The following SLC15A1 variants were observed in gnomAD, a reference collection of about 807,000 sequenced individuals.
SLC15A1 encodes Caco-2 oligopeptide transporter.
In SLC15A1, 83 loss-of-function variants were observed where a neutral mutation model predicts 92.9. The ratio of observed to expected loss-of-function variants is 0.89; its 90% CI spans 0.75 to 1.07. The LOEUF is 1.07. SLC15A1 is among the 50% of genes least tolerant of loss of function. The pLI is 0.00. For missense variants in SLC15A1, 857 were observed against 880.1 expected, an observed-to-expected ratio of 0.97 and a Z score of 0.33; for synonymous variants, 322 against 318.2, an observed-to-expected ratio of 1.01 and a Z score of -0.13.
chr13:98,732,993 C>G (rs1333939334), intron 1 of SLC15A1, among the ~76,000 whole-genome samples: 1 of 152,012 alleles, frequency 6.6e-6, no homozygotes, highest in Non-Finnish European at 1.5e-5. Flanking sequence ...TTAGATTATC[C>G]AGACAGACCC....
At chr13:98,734,992 C>T (rs2088380141) in intron 1 of SLC15A1, among the ~76,000 whole-genome samples, 1 of 152,218 alleles carries the variant, frequency 6.6e-6, no homozygotes, top group Admixed American at 6.5e-5. Flanking sequence ...ATGAGGCCAG[C>T]ATCATCCTGA....
rs73564079 is a variant in SLC15A1, at chr13:98,690,740, C to A, written c.1467-2163G>T. Reference sequence around the variant, plus strand: ...CTAGACGGTGCCACCCACCACACACCCAGGCTGCATGGGTGTGGCCTTTGG... The same window carrying A: ...CTAGACGGTGCCACCCACCACACACACAGGCTGCATGGGTGTGGCCTTTGG... On this transcript the variant is annotated intron_variant, in intron 18 of 22. Coordinates refer to ENST00000376503, the MANE Select transcript of SLC15A1 (RefSeq NM_005073.4). Among the ~76,000 whole-genome samples the A allele has an allele frequency of 3.4e-3, 524 of 152,282 alleles. 8 individuals carry two copies. Among genetic ancestry groups the A allele is most frequent in the African/African-American group, 0.012 (481 of 41,562 alleles).
chr13:98,741,945 C>T (rs2088451656), intron 1 of SLC15A1, among the ~76,000 whole-genome samples: 2 of 152,158 alleles, frequency 1.3e-5, no homozygotes, highest in South Asian at 4.1e-4. Flanking sequence ...ACTTAGAAAC[C>T]ATGTGGGGAA....
chr13:98,730,802 T>C (rs1446925754), intron 1 of SLC15A1, among the ~76,000 whole-genome samples: 1 of 152,222 alleles, frequency 6.6e-6, no homozygotes, highest in Non-Finnish European at 1.5e-5. Context: ...GATCCAGCTC[T>C]GCATGGTGGG....
rs201817346 is a variant in SLC15A1 at position 98,709,563 on chromosome 13, G to T, written c.1067+9C>A. ...GAGCCTCAACCAACCCAACCCACCCGTCACCTACGTGAAATTGAAGCCACA... is the reference window on the plus strand; with the variant it reads ...GAGCCTCAACCAACCCAACCCACCCTTCACCTACGTGAAATTGAAGCCACA... On this transcript the variant is annotated intron_variant, in intron 14 of 22. Transcript: ENST00000376503. 1 of 1,613,348 alleles carries T rather than the reference G, an allele frequency of 6.2e-7. No individual in the cohort carries two copies. The highest frequency in any genetic ancestry group is 1.1e-5 in the South Asian group (1 of 90,964).
At chr13:98,741,916 C>A (rs1205715444) in intron 1 of SLC15A1, among the ~76,000 whole-genome samples, 2 of 152,184 alleles carry the variant, frequency 1.3e-5, no homozygotes, top group Admixed American at 6.5e-5. Context: ...TCTCACTAAC[C>A]CCTAACGGCA....
chr13:98,740,962 T>C (rs779304573), intron 1 of SLC15A1, among the ~76,000 whole-genome samples: 3 of 152,256 alleles, frequency 2.0e-5, no homozygotes, highest in Non-Finnish European at 4.4e-5. Context: ...AAAGCCCTTG[T>C]TTCTGGAGTG....
intron 1 of SLC15A1, among the ~76,000 whole-genome samples, chr13:98,730,670 G>C (rs1173709670): frequency 2.7e-4 from 41 of 152,270 alleles, no homozygotes; most frequent in Non-Finnish European, 7.3e-5. Flanking sequence ...ATCGTTACGG[G>C]GGAGACGCGA....
chr13:98,705,895 A>G (rs1338929210), intron 16 of SLC15A1, among the ~76,000 whole-genome samples: 71 of 17,760 alleles, frequency 4.0e-3, no homozygotes, highest in Non-Finnish European at 5.5e-3. Flanking sequence ...ACTCCATCTA[A>G]AAAAAAAAAA....
chr13:98,721,996 G>T, intron 5 of SLC15A1, 93 bp from the exon 6 acceptor site: 2 of 969,192 alleles, frequency 2.1e-6, no homozygotes, highest in Non-Finnish European at 1.6e-6. Context: ...GCCTGGCATA[G>T]TGACACACAT....
intron 19 of SLC15A1, 33 bp downstream of exon 19, chr13:98,688,436 AC>A: frequency 3.7e-6 from 6 of 1,607,072 alleles, no homozygotes; most frequent in Non-Finnish European, 4.3e-6. Context: ...AAATTCTTGA[AC>A]CTTTGAGTGA....
intron 5 of SLC15A1, among the ~76,000 whole-genome samples, chr13:98,722,690 C>T (rs2088270028): frequency 6.6e-6 from 1 of 152,304 alleles, no homozygotes. Context: ...AATCATGCTT[C>T]CTGAACCAAT....
chr13:98,715,971 C>T lies in SLC15A1; in HGVS notation c.641-11G>A. On this transcript the variant is annotated splice_polypyrimidine_tract_variant and intron_variant, in intron 8 of 22. Coordinates refer to ENST00000376503, the MANE Select transcript of SLC15A1 (RefSeq NM_005073.4). Reference sequence around the variant, plus strand: ...CAAGGACAAACACAACTAGATAGGGCAGAAGAAGACATGTCAGCAAAGCAT... The same window carrying T: ...CAAGGACAAACACAACTAGATAGGGTAGAAGAAGACATGTCAGCAAAGCAT... The T allele has an allele frequency of 1.2e-6, 2 of 1,612,308 alleles. No individual in the cohort carries two copies. The highest frequency in any genetic ancestry group is 1.7e-6 in the Non-Finnish European group (2 of 1,178,440).
Position 98,751,441 on chromosome 13 carries a change from A to G in SLC15A1, c.4+1154T>C, listed in dbSNP as rs533596743. 8.2e-4 allele frequency among the ~76,000 whole-genome samples: 125 copies of G among 152,316 alleles called. 1 individual carries two copies. Among genetic ancestry groups the G allele is most frequent in the African/African-American group, 2.8e-3 (117 of 41,568 alleles). On this transcript the variant is annotated intron_variant, in intron 1 of 22. Transcript: ENST00000376503. ...AGGTATTTGGTATTTGATGATCAAC[A>G]GAAATAGTTCAGAGCACCTCCCAGC... is the stretch of plus-strand genomic sequence containing the variant.
chr13:98,742,277 C>G (rs2088454619), intron 1 of SLC15A1, among the ~76,000 whole-genome samples: 1 of 152,260 alleles, frequency 6.6e-6, no homozygotes, highest in Non-Finnish European at 1.5e-5. Flanking sequence ...AATGAGCCAC[C>G]TCCTACCTGT....
chr13:98,685,390 CGGAT>C (rs909236388), intron 22 of SLC15A1, among the ~76,000 whole-genome samples: 2 of 152,158 alleles, frequency 1.3e-5, no homozygotes, highest in Admixed American at 6.5e-5. Context: ...AGTCATGAAA[CGGAT>C]GGGATAACAG....
rs1046793861 is a variant in SLC15A1, at chr13:98,704,434, G to C, written c.1271C>G (p.Thr424Arg). 1 of 1,611,816 alleles carries C rather than the reference G, an allele frequency of 6.2e-7. No homozygotes were observed. Among genetic ancestry groups the C allele is most frequent in the African/African-American group, 1.3e-5 (1 of 74,854 alleles). ...EMVTLGPMSQ[T>R]NAFMTFDVNK... ...TACATCAAAAGTCATAAATGCATTT[G>C]TCTATAGAGGGAGGGAAAGAGGCAT... The change falls in exon 17 of 23, where the codon ACA becomes AGA. Residue 424 changes from threonine (T) to arginine (R), a missense_variant and splice_region_variant. Coordinates refer to ENST00000376503, the MANE Select transcript of SLC15A1 (RefSeq NM_005073.4).
intron 1 of SLC15A1, among the ~76,000 whole-genome samples, chr13:98,743,375 T>A (rs570860064): frequency 1.3e-4 from 20 of 152,334 alleles, no homozygotes; most frequent in African/African-American, 4.8e-4. Context: ...CTCGTGGTTT[T>A]ATAAATTACC....
At chr13:98,718,358 C>T (rs2088228330) in intron 8 of SLC15A1, among the ~76,000 whole-genome samples, 2 of 113,528 alleles carry the variant, frequency 1.8e-5, no homozygotes, top group Non-Finnish European at 1.6e-5. Context: ...CTTGCTCTAT[C>T]ATCCAGGTTG....
Sources: allele counts gnomAD v4.1 joint callset (sites outside exome capture counted in the v4.1 genomes callset), GRCh38; gene constraint gnomAD v4.1.1; transcripts MANE v1.5; gene names NCBI Gene and HGNC (gene_info 2026-07-23, HGNC 2026-07-21).